The following SLC9A3 variants were observed in gnomAD, a reference collection of about 807,000 sequenced individuals.
The protein encoded by SLC9A3 is sodium/hydrogen exchanger 3.
SLC9A3 carries 37 observed loss-of-function variants against 86.8 expected under a neutral mutation model. The ratio of observed to expected loss-of-function variants is 0.43; its 90% confidence interval spans 0.33 to 0.56. SLC9A3 has a LOEUF of 0.56. Ranked by LOEUF, SLC9A3 falls within the 20% of genes least tolerant of loss-of-function variation. The pLI is 0.06. For missense variants in SLC9A3, 1,011 were observed against 1,171.9 expected (o/e 0.86, Z 2.00); for synonymous variants, 581 against 528.3 (o/e 1.10, Z -1.37).
rs1429081257 is a variant in SLC9A3, at chr5:473,267, C to G, written c.*112G>C. On this transcript the variant is annotated 3_prime_UTR_variant, in exon 17 of 17. Coordinates refer to ENST00000264938, the MANE Select transcript of SLC9A3 (RefSeq NM_004174.4). ...TGGGCGAGGCGGGGCTCGGGGCTCG[C>G]GGTCGCTGTAGCCGCGCGGGGATCT... 6.1e-6 allele frequency: 7 copies of G among 1,154,244 alleles called. No individual in the cohort carries two copies. Among genetic ancestry groups the G allele is most frequent in the Non-Finnish European group, 7.7e-6 (7 of 910,088 alleles). 71.5% of individuals were successfully genotyped at this position (1,154,244 alleles called of 1,614,324 possible).
chr5:489,617 C>T (rs1305224890), intron 2 of SLC9A3, among the ~76,000 whole-genome samples: 1 of 152,198 alleles, frequency 6.6e-6, no homozygotes, highest in African/African-American at 2.4e-5. Flanking sequence ...GTGACAGATG[C>T]CAGAAGAACC....
At chr5:500,390 G>C (rs1238972649) in intron 1 of SLC9A3, among the ~76,000 whole-genome samples, 1 of 152,252 alleles carries the variant, frequency 6.6e-6, no homozygotes, top group Non-Finnish European at 1.5e-5. Context: ...AGAATGGAAG[G>C]GGGGGTGGCA....
chr5:476,557 T>C lies in SLC9A3; in HGVS notation c.1876A>G (p.Lys626Glu). 1 of 1,611,430 alleles carries C rather than the reference T, an allele frequency of 6.2e-7. No homozygotes were observed. Among genetic ancestry groups the C allele is most frequent in the Non-Finnish European group, 8.5e-7 (1 of 1,179,792 alleles). Residue 626 changes from lysine to glutamate, a missense_variant, in exon 12 of 17, where the codon AAG becomes GAG. By Grantham distance (56) the Lys-to-Glu change is moderately conservative (BLOSUM62 1). Transcript: ENST00000264938. ...GCAGTGCCCACCTCCTGCCGCGGCT[T>C]GTACAGGTACTGCTGTAGCGTGTGG... ...THHTLQQYLY[K>E]PRQEYKHLYS...
chr5:481,654 C>T lies in SLC9A3; in HGVS notation c.1447-19G>A. 1 of 1,610,718 alleles carries T rather than the reference C, an allele frequency of 6.2e-7. No individual in the cohort carries two copies. The highest frequency in any genetic ancestry group is 8.5e-7 in the Non-Finnish European group (1 of 1,176,990). On this transcript the variant is annotated intron_variant, in intron 8 of 16. Transcript: ENST00000264938. ...CGAAAGCCTTTCAAGGGAAGAAAGA[C>T]ATGAGCGTCTCGGGGCGGCCAACCG... is the stretch of plus-strand genomic sequence containing the variant.
chr5:501,607 G>A (rs1389033374), intron 1 of SLC9A3, among the ~76,000 whole-genome samples: 6 of 152,180 alleles, frequency 3.9e-5, no homozygotes, highest in Non-Finnish European at 7.4e-5. Context: ...GAGGAGACAC[G>A]CACAGGGTCC....
At chr5:477,580 C>T (rs898898068) in intron 10 of SLC9A3, 136 bp from the exon 11 acceptor site, 3 of 576,518 alleles carry the variant, frequency 5.2e-6, no homozygotes, top group Non-Finnish European at 6.1e-6. Flanking sequence ...GTTCACGCCT[C>T]ACAGCTGCAG....
chr5:491,967 C>T lies in SLC9A3; in HGVS notation c.316G>A (p.Ala106Thr), dbSNP rs1423288785. 1.8e-5 allele frequency: 29 copies of T among 1,607,290 alleles called. No individual in the cohort carries two copies. The highest frequency in any genetic ancestry group is 5.4e-5 in the African/African-American group (4 of 74,224). ...GGIVWAADHI[A>T]SFTLTPTVFF... ...ACGGTGGGCGTCAGTGTGAAGGACG[C>T]GATGTGGTCGGCCGCCCAGACGATG... The change falls in exon 2 of 17, where the codon GCG (alanine) becomes ACG (threonine). Residue 106 changes from alanine (A) to threonine (T), a missense_variant. Ala to Thr is a moderately conservative substitution (Grantham distance 58, BLOSUM62 0). This residue lies in a region of SLC9A3 where 565 missense variants were observed against 790.0 expected (regional missense o/e 0.72). Transcript: ENST00000264938. This position sits in a 1 kb window ranked among gnomAD's most constrained non-coding sequence, Gnocchi z 9.2.
chr5:510,135 G>A (rs772617011), intron 1 of SLC9A3, among the ~76,000 whole-genome samples: 30 of 152,268 alleles, frequency 2.0e-4, no homozygotes, highest in Non-Finnish European at 3.1e-4. Context: ...GGCCCCTGGC[G>A]GAGCGCGGCA....
chr5:520,392 C>T (rs192986436), intron 1 of SLC9A3, among the ~76,000 whole-genome samples: 65 of 152,294 alleles, frequency 4.3e-4, no homozygotes, highest in Middle Eastern at 6.8e-3. Context: ...GCGAGGTCAG[C>T]GCAGCAGAGC....
At chr5:509,912 C>T (rs923569047) in intron 1 of SLC9A3, among the ~76,000 whole-genome samples, 3 of 152,240 alleles carry the variant, frequency 2.0e-5, no homozygotes, top group East Asian at 1.9e-4. Flanking sequence ...AGGGGCCCTG[C>T]GGGCAGCCGG....
intron 1 of SLC9A3, among the ~76,000 whole-genome samples, chr5:493,888 G>C (rs1221255065): frequency 6.6e-6 from 1 of 152,236 alleles, no homozygotes; most frequent in East Asian, 1.9e-4. Flanking sequence ...AGGGCAGCGG[G>C]GGTTGGCCCG....
At position 491,678 on chromosome 5, in the gene SLC9A3, T is replaced by A; in HGVS notation, c.514+91A>T. ...GACACTTACCGCCTGGAGGCCAGGG[T>A]GCGGCACCCCGACCTTTCTGAGATG... On this transcript the variant is annotated intron_variant, in intron 2 of 16. Coordinates refer to ENST00000264938, the MANE Select transcript of SLC9A3 (RefSeq NM_004174.4). This position sits in a 1 kb window ranked among gnomAD's most constrained non-coding sequence, Gnocchi z 9.2. The A allele has an allele frequency of 8.3e-7, 1 of 1,206,696 alleles. No homozygotes were observed. The highest frequency in any genetic ancestry group is 1.1e-6 in the Non-Finnish European group (1 of 881,462). 74.7% of individuals were successfully genotyped at this position (1,206,696 alleles called of 1,614,324 possible).
chr5:492,961 T>A (rs2126632192), intron 1 of SLC9A3, among the ~76,000 whole-genome samples: 1 of 152,190 alleles, frequency 6.6e-6, no homozygotes, highest in African/African-American at 2.4e-5. Context: ...AGCTTAAGGG[T>A]GGACAGCAGG....
chr5:473,419 C>G (rs1047628090), intron 16 of SLC9A3, 37 bp from the exon 17 acceptor site: 13 of 1,373,224 alleles, frequency 9.5e-6, no homozygotes, highest in African/African-American at 9.0e-5. Context: ...GCGCGGAGCC[C>G]GGGCGCTGGG....
chr5:524,274 GCGC>G lies in SLC9A3; in HGVS notation c.46_48del (p.Ala16del). On this transcript the variant is annotated inframe_deletion, in exon 1 of 17. Coordinates refer to ENST00000264938, the MANE Select transcript of SLC9A3 (RefSeq NM_004174.4). Reference sequence around the variant, plus strand: ...GCCCGCGCCAGCCCGCCCAGCGCCAGCGCCAGCAGCAGCCCCCGGTCGGGGCCC... The same window carrying G: ...GCCCGCGCCAGCCCGCCCAGCGCCAGCAGCAGCAGCCCCCGGTCGGGGCCC... 1 of 1,352,508 alleles carries G rather than the reference GCGC, an allele frequency of 7.4e-7. No individual in the cohort carries two copies. The highest frequency in any genetic ancestry group is 9.5e-7 in the Non-Finnish European group (1 of 1,050,660). The allele number at this position is 1,352,508 out of a possible 1,614,324, so 83.8% of individuals were successfully genotyped here. A position where few individuals can be genotyped will look rare whatever the true frequency, so the allele number is the denominator to read the frequency against.
intron 1 of SLC9A3, among the ~76,000 whole-genome samples, chr5:518,379 C>T (rs77012983): frequency 0.13 from 20,182 of 151,590 alleles, 1,463 homozygotes; most frequent in Admixed American, 0.16. Flanking sequence ...ACTTCGCGAC[C>T]GGGCACCCTG....
intron 1 of SLC9A3, among the ~76,000 whole-genome samples, chr5:501,472 C>A (rs1442248461): frequency 6.6e-6 from 1 of 152,234 alleles, no homozygotes; most frequent in African/African-American, 2.4e-5. Context: ...AGGGCGGAAG[C>A]ACAGGTACCC....
At chr5:512,855 C>T (rs80155624) in intron 1 of SLC9A3, among the ~76,000 whole-genome samples, 2,230 of 152,186 alleles carry the variant, frequency 0.015, 25 homozygotes, top group South Asian at 0.035. Flanking sequence ...AAGGGCTGGG[C>T]GTGCAGAGGC....
chr5:504,325 C>T (rs548397457), intron 1 of SLC9A3, among the ~76,000 whole-genome samples: 1 of 152,326 alleles, frequency 6.6e-6, no homozygotes, highest in East Asian at 1.9e-4. Context: ...GTGACCTGCC[C>T]TCCTTGCTTC....
Sources: gnomAD v4.1 joint callset for allele counts (sites outside exome capture counted in the v4.1 genomes callset) on GRCh38, gnomAD v4.1.1 for gene constraint, gnomAD v4.1.1 regional missense constraint, Gnocchi (gnomAD v3.1) non-coding constraint, MANE v1.5 for transcripts, NCBI Gene and HGNC (gene_info 2026-07-23, HGNC 2026-07-21) for gene names.